The following HAPLN2 variants were observed in gnomAD, a reference collection of about 807,000 sequenced individuals.
HAPLN2 encodes the protein hyaluronan and proteoglycan link protein 2, also known as brain link protein-1.
In HAPLN2, 27 loss-of-function variants were observed where a neutral mutation model predicts 29.3. The observed-to-expected ratio is 0.92, with a 90% CI of 0.68 to 1.27. The LOEUF (loss-of-function observed/expected upper bound fraction) is 1.27, where lower values mean the gene tolerates loss of function less well. HAPLN2 is among the 50% of genes most tolerant of loss of function. The probability of loss-of-function intolerance (pLI) is 0.00; values close to 1 mark genes in which losing one functional copy is unlikely to be tolerated. For synonymous variants in HAPLN2, 208 were observed against 211.7 expected, an observed-to-expected ratio of 0.98 and a Z score of 0.15; for missense variants, 454 against 484.3, an observed-to-expected ratio of 0.94 and a Z score of 0.59.
the HAPLN2 span, among the ~76,000 whole-genome samples, chr1:156,610,966 G>GT: frequency 6.6e-6 from 1 of 152,284 alleles, no homozygotes; most frequent in African/African-American, 2.4e-5. Flanking sequence ...ACTTTCATGT[G>GT]TGTATGGATT....
intron 2 of HAPLN2, among the ~76,000 whole-genome samples, chr1:156,622,419 A>G (rs927415702): frequency 2.0e-5 from 3 of 151,424 alleles, no homozygotes; most frequent in African/African-American, 7.3e-5. Context: ...ATACCACTGC[A>G]CTCCAGTCTG....
At chr1:156,601,936 C>CTTT in the HAPLN2 span, among the ~76,000 whole-genome samples, 2 of 145,656 alleles carry the variant, frequency 1.4e-5, no homozygotes, top group Non-Finnish European at 3.0e-5. Flanking sequence ...TCATCAAGCA[C>CTTT]TTTTTTTTTT....
upstream of HAPLN2, among the ~76,000 whole-genome samples, chr1:156,617,253 G>C (rs141762171): frequency 3.3e-5 from 5 of 151,932 alleles, no homozygotes; most frequent in East Asian, 9.7e-4. Flanking sequence ...CTCAATGACT[G>C]TATTGTGCGT....
rs755008464 is a variant in HAPLN2, at chr1:156,624,709, G to A, written c.665G>A (p.Gly222Glu). The change falls in exon 6 of 7, where the codon GGG becomes GAG. Residue 222 changes from glycine to glutamate, a missense_variant. This residue lies in a region of HAPLN2 where 235 missense variants were observed against 236.9 expected (regional missense o/e 0.99). Coordinates refer to ENST00000255039, the MANE Select transcript of HAPLN2 (RefSeq NM_021817.3). ...RAPCGGRGRP[G>E]IRSYGPRDRM... ...CCGTGCGGCGGCCGAGGCCGGCCCG[G>A]GATCCGCAGCTACGGACCCCGCGAC... 2 of 1,589,862 alleles carry A rather than the reference G, an allele frequency of 1.3e-6. No homozygotes were observed. Among genetic ancestry groups the A allele is most frequent in the Non-Finnish European group, 1.7e-6 (2 of 1,172,264 alleles).
In HAPLN2 at chr1:156,624,299, C is replaced by T. The variant is rs367871357; in HGVS notation, c.440-52C>T. On this transcript the variant is annotated intron_variant, in intron 4 of 6. Coordinates refer to ENST00000255039, the MANE Select transcript of HAPLN2 (RefSeq NM_021817.3). ...TCTCCCAGGCCGCGCCGCCCTTCCT[C>T]CCCCTCCGCTCCCATCCGCTGGCCC... 3,065 of 1,533,322 alleles carry T rather than the reference C, an allele frequency of 2.0e-3. 32 individuals carry two copies. The Admixed American group carries it at 0.025, about 12-fold the overall frequency. 95.0% of individuals were successfully genotyped at this position (1,533,322 alleles called of 1,614,324 possible). A position where few individuals can be genotyped will look rare whatever the true frequency, so the allele number is the denominator to read the frequency against.
Position 156,625,435 on chromosome 1 carries a change from CG to C in HAPLN2, c.*56del. On this transcript the variant is annotated 3_prime_UTR_variant, in exon 7 of 7. Transcript: ENST00000255039. This position sits in a 1 kb window ranked among gnomAD's most constrained non-coding sequence, Gnocchi z 5.7. Reference sequence around the variant, plus strand: ...GCGCGAAGAAGCTTGGGAGTCGTGGCGGGGGTCTCTCGCCACCCCTTTCCGG... The same window carrying C: ...GCGCGAAGAAGCTTGGGAGTCGTGGCGGGGTCTCTCGCCACCCCTTTCCGG... 1 of 1,501,980 alleles carries C rather than the reference CG, an allele frequency of 6.7e-7. No individual in the cohort carries two copies. The highest frequency in any genetic ancestry group is 8.9e-7 in the Non-Finnish European group (1 of 1,120,484). The allele number at this position is 1,501,980 out of a possible 1,614,324, so 93.0% of individuals were successfully genotyped here.
chr1:156,610,246 C>T, the HAPLN2 span, among the ~76,000 whole-genome samples: 3 of 152,084 alleles, frequency 2.0e-5, no homozygotes, highest in Non-Finnish European at 1.5e-5. Flanking sequence ...AATAATGCTA[C>T]AGCCACCCAC....
At chr1:156,624,909 G>GGGCCCCCCCCC in intron 6 of HAPLN2, 126 bp downstream of exon 6, 1 of 999,508 alleles carries the variant, frequency 1.0e-6, no homozygotes, top group Non-Finnish European at 1.4e-6. Flanking sequence ...CCCCCCATCA[G>GGGCCCCCCCCC]CCCGCCCGCC....
chr1:156,619,387 G>T, upstream of HAPLN2: 1 of 152,452 alleles, frequency 6.6e-6, no homozygotes, highest in Non-Finnish European at 1.5e-5. Context: ...CGATGGGGTG[G>T]GGACTGAGAA....
chr1:156,603,307 A>G, the HAPLN2 span, among the ~76,000 whole-genome samples: 1 of 150,138 alleles, frequency 6.7e-6, no homozygotes, highest in Non-Finnish European at 1.5e-5. Context: ...TCAGCCTCCC[A>G]AGTAGCTGGG....
rs1308456827 is a variant in HAPLN2, at chr1:156,624,087, C to A, written c.366C>A (p.Asp122Glu). The A allele has an allele frequency of 1.2e-6, 2 of 1,613,530 alleles. No homozygotes were observed. The highest frequency in any genetic ancestry group is 2.2e-5 in the South Asian group (2 of 91,078). The change falls in exon 4 of 7, where the codon GAC becomes GAA. Residue 122 changes from aspartate (D) to glutamate (E), a missense_variant. Asp to Glu is a conservative substitution (Grantham distance 45, BLOSUM62 2). Around this residue, in one of 3 missense-constraint regions of HAPLN2, gnomAD observed 204 missense variants for 209.2 expected, o/e 0.98. Transcript: ENST00000255039. ...TCATCGCGGGCGTGCGCCTGGAGGA[C>A]GAGGGCCGGTACCGCTGCGAGCTCA... ...SLVIAGVRLEDEGRYRCELIN... is the reference protein window; with the variant it reads ...SLVIAGVRLEEEGRYRCELIN...
the HAPLN2 span, among the ~76,000 whole-genome samples, chr1:156,604,833 G>A: frequency 6.6e-6 from 1 of 151,140 alleles, no homozygotes; most frequent in Admixed American, 6.6e-5. Flanking sequence ...TGTGTTCATG[G>A]AATAGAAGAC....
chr1:156,623,508 C>A lies in HAPLN2; in HGVS notation c.18C>A (p.Thr6=). 6.2e-7 allele frequency: 1 copy of A among 1,614,100 alleles called. No individual in the cohort carries two copies. Among genetic ancestry groups the A allele is most frequent in the South Asian group, 1.1e-5 (1 of 91,074 alleles). The change falls in exon 3 of 7, where the codon ACC becomes ACA. Residue 6 remains threonine, a synonymous_variant. Transcript: ENST00000255039. MPGWL[T]LPTLCRFLLW... Reference sequence around the variant, plus strand: ...CCCCCATCATGCCAGGCTGGCTCACCCTCCCCACACTCTGCCGCTTCCTTC... The same window carrying A: ...CCCCCATCATGCCAGGCTGGCTCACACTCCCCACACTCTGCCGCTTCCTTC...
chr1:156,609,630 GT>G, the HAPLN2 span, among the ~76,000 whole-genome samples: 1 of 152,102 alleles, frequency 6.6e-6, no homozygotes, highest in African/African-American at 2.4e-5. Context: ...TAGATCTGCT[GT>G]TTTCTTTTTC....
upstream of HAPLN2, among the ~76,000 whole-genome samples, chr1:156,616,107 C>T (rs1047735474): frequency 6.6e-6 from 1 of 152,108 alleles, no homozygotes; most frequent in African/African-American, 2.4e-5. Context: ...GAAAACTGGC[C>T]AGCTGAACCT....
chr1:156,623,037 A>AAAATAAATAAAT (rs56280786), intron 2 of HAPLN2, among the ~76,000 whole-genome samples: 1,374 of 111,402 alleles, frequency 0.012, 67 homozygotes, highest in Middle Eastern at 0.022. Context: ...CTGTCTCAAA[A>AAAATAAATAAAT]AAATAAATAA....
the HAPLN2 span, among the ~76,000 whole-genome samples, chr1:156,605,155 A>G: frequency 6.6e-6 from 1 of 151,748 alleles, no homozygotes; most frequent in African/African-American, 2.4e-5. Context: ...AATACCAGCT[A>G]TTTGGGAGGC....
Position 156,623,938 on chromosome 1 carries a change from G to C in HAPLN2, c.217G>C (p.Val73Leu), listed in dbSNP as rs760460635. The change falls in exon 4 of 7, where the codon GTG (valine) becomes CTG (leucine). Residue 73 changes from valine to leucine, a missense_variant. Around this residue, in one of 3 missense-constraint regions of HAPLN2, gnomAD observed 204 missense variants for 209.2 expected, o/e 0.98. Transcript: ENST00000255039. Reference sequence around the variant, plus strand: ...CAGCTACAAGGTGCGCTGGAGCAAGGTGGAGCCTGGGGAGCTCCGGGAAAC... The same window carrying C: ...CAGCTACAAGGTGCGCTGGAGCAAGCTGGAGCCTGGGGAGCTCCGGGAAAC... The part of the protein sequence containing the change: ...PPSYKVRWSK[V>L]EPGELRETLI... 3.1e-6 allele frequency: 5 copies of C among 1,607,902 alleles called. No individual in the cohort carries two copies. In the African/African-American group the frequency reaches 4.0e-5, roughly 13 times the overall value.
Position 156,624,792 on chromosome 1 carries a change from C to G in HAPLN2, c.739+9C>G. The G allele has an allele frequency of 6.7e-7, 1 of 1,487,840 alleles. No individual in the cohort carries two copies. The highest frequency in any genetic ancestry group is 1.3e-5 in the South Asian group (1 of 74,120). The allele number at this position is 1,487,840 out of a possible 1,614,324, so 92.2% of individuals were successfully genotyped here. A position where few individuals can be genotyped will look rare whatever the true frequency, so the allele number is the denominator to read the frequency against. On this transcript the variant is annotated intron_variant, in intron 6 of 6. Coordinates refer to ENST00000255039, the MANE Select transcript of HAPLN2 (RefSeq NM_021817.3). ...CACCTCCGCGCTGGCGGGTGAGGCG[C>G]GGGACGAAGGCAGGGTCTTGGGGAG...
Sources: gnomAD v4.1 joint callset for allele counts (sites outside exome capture counted in the v4.1 genomes callset) on GRCh38, gnomAD v4.1.1 for gene constraint, gnomAD v4.1.1 regional missense constraint, Gnocchi (gnomAD v3.1) non-coding constraint, MANE v1.5 for transcripts, NCBI Gene and HGNC (gene_info 2026-07-23, HGNC 2026-07-21) for gene names.